VDAC1: variants seen among roughly 807,000 people sequenced by gnomAD.
The protein encoded by VDAC1 is non-selective voltage-gated ion channel VDAC1.
In VDAC1, 10 loss-of-function variants were observed where a neutral mutation model predicts 34.7. That is an observed-to-expected ratio of 0.29 (90% CI 0.18 to 0.49). The LOEUF (loss-of-function observed/expected upper bound fraction) is 0.49, where lower values mean the gene tolerates loss of function less well. Ranked by LOEUF, VDAC1 falls within the 20% of genes least tolerant of loss-of-function variation. The pLI is 0.99. For synonymous variants in VDAC1, 130 were observed against 136.0 expected, an observed-to-expected ratio of 0.96 and a Z score of 0.30; for missense variants, 230 against 347.9, an observed-to-expected ratio of 0.66 and a Z score of 2.69.
the VDAC1 span, among the ~76,000 whole-genome samples, chr5:134,030,857 C>T: frequency 1.3e-5 from 2 of 152,118 alleles, no homozygotes; most frequent in Non-Finnish European, 2.9e-5. Flanking sequence ...AAGTGATCTG[C>T]CCACCTTGGC....
chr5:133,986,337 C>A (rs542535317), intron 5 of VDAC1, among the ~76,000 whole-genome samples: 2 of 152,312 alleles, frequency 1.3e-5, no homozygotes, highest in African/African-American at 4.8e-5. Flanking sequence ...CTCCATGATG[C>A]ACCACCAGAA....
the VDAC1 span, among the ~76,000 whole-genome samples, chr5:134,097,635 C>T: frequency 6.6e-6 from 1 of 152,124 alleles, no homozygotes; most frequent in African/African-American, 2.4e-5. Flanking sequence ...TGCTTGGTCC[C>T]GCAGCCCTCA....
At chr5:134,074,205 G>A in the VDAC1 span, among the ~76,000 whole-genome samples, 7 of 151,966 alleles carry the variant, frequency 4.6e-5, no homozygotes, top group East Asian at 7.7e-4. Context: ...CCAGCTACTC[G>A]AGAGGCTGAG....
At chr5:133,998,710 G>A (rs1753427953) in intron 1 of VDAC1, among the ~76,000 whole-genome samples, 1 of 152,180 alleles carries the variant, frequency 6.6e-6, no homozygotes, top group Non-Finnish European at 1.5e-5. Flanking sequence ...ATCAGGCAAG[G>A]TCCGTCGGGG....
At chr5:134,055,557 C>T in the VDAC1 span, among the ~76,000 whole-genome samples, 1 of 147,526 alleles carries the variant, frequency 6.8e-6, no homozygotes. Flanking sequence ...GTAGCTGGGA[C>T]CATAGGCGCC....
chr5:134,097,001 A>G, the VDAC1 span, among the ~76,000 whole-genome samples: 4 of 152,238 alleles, frequency 2.6e-5, no homozygotes, highest in African/African-American at 4.8e-5. Flanking sequence ...GCCTATTGCT[A>G]GAGACTCGTG....
chr5:134,087,092 G>A, the VDAC1 span, among the ~76,000 whole-genome samples: 1 of 152,100 alleles, frequency 6.6e-6, no homozygotes, highest in African/African-American at 2.4e-5. Context: ...CACTGCCTTT[G>A]AACAAAAAAC....
At chr5:133,981,353 T>C (rs1220132292) in intron 5 of VDAC1, among the ~76,000 whole-genome samples, 1 of 152,234 alleles carries the variant, frequency 6.6e-6, no homozygotes, top group East Asian at 1.9e-4. Flanking sequence ...TTATCTGCCA[T>C]GAAGGCAGCT....
the VDAC1 span, among the ~76,000 whole-genome samples, chr5:134,080,189 T>C: frequency 1.3e-5 from 2 of 152,224 alleles, no homozygotes; most frequent in Non-Finnish European, 2.9e-5. Context: ...TAAGAACCCA[T>C]CGTCAGACAC....
chr5:134,089,102 C>A, the VDAC1 span, among the ~76,000 whole-genome samples: 1 of 152,232 alleles, frequency 6.6e-6, no homozygotes, highest in Non-Finnish European at 1.5e-5. Context: ...GCCCAGCCTG[C>A]CACAGGCTCT....
chr5:134,055,102 G>A, the VDAC1 span, among the ~76,000 whole-genome samples: 1 of 152,254 alleles, frequency 6.6e-6, no homozygotes, highest in Non-Finnish European at 1.5e-5. Flanking sequence ...CAGCTCAGCT[G>A]CATGGGGTGG....
the VDAC1 span, among the ~76,000 whole-genome samples, chr5:134,055,136 A>C: frequency 6.6e-6 from 1 of 152,194 alleles, no homozygotes; most frequent in Non-Finnish European, 1.5e-5. Context: ...ACAGAGTGGG[A>C]AGCAGCCACA....
chr5:134,103,064 G>A, the VDAC1 span, among the ~76,000 whole-genome samples: 6 of 152,128 alleles, frequency 3.9e-5, no homozygotes, highest in African/African-American at 7.2e-5. Context: ...TCAGCTCAGA[G>A]TCTCTGCTAT....
At chr5:133,980,989 G>C (rs2126923630) in intron 5 of VDAC1, 33 bp from the exon 6 acceptor site, 5 of 1,553,500 alleles carry the variant, frequency 3.2e-6, no homozygotes, top group Non-Finnish European at 3.5e-6. Context: ...AAGATCAGAA[G>C]CTAACTCACC....
At chr5:133,974,426 T>C (rs761054247) in intron 7 of VDAC1, among the ~76,000 whole-genome samples, 1 of 152,080 alleles carries the variant, frequency 6.6e-6, no homozygotes, top group Non-Finnish European at 1.5e-5. Context: ...TAATATGCAA[T>C]GCAGGAGCTG....
chr5:134,020,267 GT>G, the VDAC1 span, among the ~76,000 whole-genome samples: 6 of 151,958 alleles, frequency 3.9e-5, no homozygotes, highest in South Asian at 1.3e-3. Flanking sequence ...AAGTCCAAAA[GT>G]TTCAGGTTCA....
At chr5:133,978,594 T>C (rs1027784713) in intron 6 of VDAC1, among the ~76,000 whole-genome samples, 2 of 152,250 alleles carry the variant, frequency 1.3e-5, no homozygotes, top group South Asian at 4.1e-4. Flanking sequence ...GATTTTTGAA[T>C]GACTTTAGTA....
the VDAC1 span, among the ~76,000 whole-genome samples, chr5:134,110,685 C>A: frequency 3.3e-5 from 5 of 152,196 alleles, no homozygotes; most frequent in Admixed American, 2.0e-4. Context: ...GGATGCCAGG[C>A]GGGCTGGTGA....
chr5:134,104,187 C>CAATG, the VDAC1 span, among the ~76,000 whole-genome samples: 1 of 152,228 alleles, frequency 6.6e-6, no homozygotes, highest in African/African-American at 2.4e-5. Flanking sequence ...ACCAGTCCTA[C>CAATG]AATGAATCAG....
Sources: allele counts gnomAD v4.1 joint callset (sites outside exome capture counted in the v4.1 genomes callset), GRCh38; gene constraint gnomAD v4.1.1; transcripts MANE v1.5; gene names NCBI Gene and HGNC (gene_info 2026-07-23, HGNC 2026-07-21).